The following RPSA2 variants were observed in gnomAD, a reference collection of about 807,000 sequenced individuals.
The protein encoded by RPSA2 is ribosomal protein SA 2, also known as small ribosomal subunit protein uS2B.
the RPSA2 span, among the ~76,000 whole-genome samples, chr19:23,861,907 T>A: frequency 6.6e-6 from 1 of 152,108 alleles, no homozygotes; most frequent in Non-Finnish European, 1.5e-5. Context: ...AGGTTTTCAG[T>A]TAGTGTTTGT....
chr19:23,838,573 C>T, the RPSA2 span, among the ~76,000 whole-genome samples: 2 of 151,906 alleles, frequency 1.3e-5, no homozygotes, highest in South Asian at 2.1e-4. Flanking sequence ...TTTTAAATTA[C>T]CATTTTAATC....
chr19:23,800,283 C>CAG, the RPSA2 span, among the ~76,000 whole-genome samples: 3 of 151,888 alleles, frequency 2.0e-5, no homozygotes, highest in Admixed American at 2.0e-4. Context: ...ATTTCATGAT[C>CAG]GACCCGCCTT....
At chr19:23,770,382 C>A in the RPSA2 span, among the ~76,000 whole-genome samples, 1 of 152,160 alleles carries the variant, frequency 6.6e-6, no homozygotes, top group Non-Finnish European at 1.5e-5. Context: ...GGTGATATAA[C>A]TTTATGACAT....
the RPSA2 span, among the ~76,000 whole-genome samples, chr19:23,857,894 T>G: frequency 1.3e-5 from 2 of 152,172 alleles, no homozygotes; most frequent in Non-Finnish European, 2.9e-5. Flanking sequence ...CTTGCTTATC[T>G]GTGTTTCCTG....
chr19:23,839,754 C>T, the RPSA2 span, among the ~76,000 whole-genome samples: 1 of 152,206 alleles, frequency 6.6e-6, no homozygotes, highest in South Asian at 2.1e-4. Flanking sequence ...GGAATGGGCT[C>T]CTTGGGGATT....
the RPSA2 span, among the ~76,000 whole-genome samples, chr19:23,777,431 A>G: frequency 6.6e-6 from 1 of 152,160 alleles, no homozygotes; most frequent in African/African-American, 2.4e-5. Context: ...GGCCTTGATG[A>G]AACAGAAATT....
the RPSA2 span, among the ~76,000 whole-genome samples, chr19:23,864,530 A>G: frequency 6.6e-6 from 1 of 152,178 alleles, no homozygotes; most frequent in African/African-American, 2.4e-5. Flanking sequence ...GGAAGAATAC[A>G]TCACCCAACA....
At chr19:23,847,813 C>T in the RPSA2 span, among the ~76,000 whole-genome samples, 548 of 152,220 alleles carry the variant, frequency 3.6e-3, 4 homozygotes, top group African/African-American at 0.013. Context: ...AGACCTCCCC[C>T]CAGGAATGCA....
the RPSA2 span, chr19:23,827,349 G>A: frequency 3.8e-6 from 6 of 1,586,448 alleles, no homozygotes; most frequent in Middle Eastern, 1.8e-4. Flanking sequence ...CTGGCAGCTC[G>A]TGCTATTGTT....
At chr19:23,790,043 A>G in the RPSA2 span, among the ~76,000 whole-genome samples, 1 of 151,978 alleles carries the variant, frequency 6.6e-6, no homozygotes, top group Admixed American at 6.6e-5. Context: ...TCTGTTGCCC[A>G]GGCTGGAGTG....
At chr19:23,859,988 A>G in the RPSA2 span, among the ~76,000 whole-genome samples, 33 of 152,338 alleles carry the variant, frequency 2.2e-4, 2 homozygotes, top group South Asian at 6.8e-3. Flanking sequence ...TCTGGGCTCA[A>G]AAGTCTCTTA....
chr19:23,783,225 A>G, the RPSA2 span, among the ~76,000 whole-genome samples: 1 of 152,078 alleles, frequency 6.6e-6, no homozygotes. Flanking sequence ...CCTTCTGAGT[A>G]GCTGGAATTA....
At chr19:23,768,056 C>T in the RPSA2 span, among the ~76,000 whole-genome samples, 5 of 152,132 alleles carry the variant, frequency 3.3e-5, no homozygotes, top group South Asian at 2.1e-4. Context: ...TGAGCCACCA[C>T]GCCCGGCCCA....
chr19:23,767,453 C>CA, the RPSA2 span, among the ~76,000 whole-genome samples: 1 of 152,036 alleles, frequency 6.6e-6, no homozygotes, highest in African/African-American at 2.4e-5. Context: ...TGAGAAAAGG[C>CA]AGAAATGATT....
chr19:23,801,255 G>T, the RPSA2 span, among the ~76,000 whole-genome samples: 84,248 of 141,764 alleles, frequency 0.59, 24,145 homozygotes, highest in East Asian at 0.8. Flanking sequence ...GGGGAGGGTT[G>T]GGGGGGATGG....
At chr19:23,870,695 C>T in the RPSA2 span, among the ~76,000 whole-genome samples, 1 of 152,270 alleles carries the variant, frequency 6.6e-6, no homozygotes, top group South Asian at 2.1e-4. Flanking sequence ...GTCTCTGTTT[C>T]CTGCTCATAG....
chr19:23,857,712 G>C, the RPSA2 span, among the ~76,000 whole-genome samples: 3 of 151,846 alleles, frequency 2.0e-5, no homozygotes, highest in Non-Finnish European at 4.4e-5. Context: ...GGTCAGGCTG[G>C]TCTCGAACTG....
the RPSA2 span, among the ~76,000 whole-genome samples, chr19:23,840,833 G>A: frequency 2.6e-5 from 4 of 151,558 alleles, no homozygotes; most frequent in East Asian, 2.0e-4. Flanking sequence ...ACTGTGGCAC[G>A]TGCCTGTAAT....
At chr19:23,833,621 A>G in the RPSA2 span, among the ~76,000 whole-genome samples, 1 of 152,132 alleles carries the variant, frequency 6.6e-6, no homozygotes, top group African/African-American at 2.4e-5. Context: ...ATTTATAAGC[A>G]TTTATACTTG....
Sources: gnomAD v4.1 joint callset for allele counts (sites outside exome capture counted in the v4.1 genomes callset) on GRCh38, gnomAD v4.1.1 for gene constraint, MANE v1.5 for transcripts, NCBI Gene and HGNC (gene_info 2026-07-23, HGNC 2026-07-21) for gene names.